SCHIP1: variants seen among roughly 807,000 people sequenced by gnomAD.
SCHIP1 encodes the protein schwannomin interacting protein 1.
In SCHIP1, 8 loss-of-function variants were observed where a neutral mutation model predicts 29.7. The observed-to-expected ratio is 0.27, with a 90% CI of 0.16 to 0.49. The LOEUF is 0.49. Ranked by LOEUF, SCHIP1 falls within the 20% of genes least tolerant of loss-of-function variation. The pLI is 0.99. For synonymous variants in SCHIP1, 76 were observed against 94.9 expected, an observed-to-expected ratio of 0.80 and a Z score of 1.16; for missense variants, 193 against 294.6, an observed-to-expected ratio of 0.66 and a Z score of 2.52.
the SCHIP1 span, among the ~76,000 whole-genome samples, chr3:159,649,871 A>G: frequency 6.6e-6 from 1 of 152,152 alleles, no homozygotes; most frequent in Non-Finnish European, 1.5e-5. Flanking sequence ...GGATCCAAAT[A>G]TCCTGTGCCC....
At chr3:159,676,725 A>G in the SCHIP1 span, among the ~76,000 whole-genome samples, 1 of 152,150 alleles carries the variant, frequency 6.6e-6, no homozygotes, top group Non-Finnish European at 1.5e-5. Flanking sequence ...TCTACGACTG[A>G]GCAGCTCTTC....
intron 2 of SCHIP1, among the ~76,000 whole-genome samples, chr3:159,867,412 T>G (rs1297114094): frequency 2.0e-5 from 3 of 152,248 alleles, no homozygotes; most frequent in Non-Finnish European, 4.4e-5. Context: ...CAGTAAGGTT[T>G]GTACTACTAT....
chr3:159,462,684 A>G, the SCHIP1 span, among the ~76,000 whole-genome samples: 5 of 152,076 alleles, frequency 3.3e-5, no homozygotes, highest in Non-Finnish European at 5.9e-5. Context: ...AAACTCCATG[A>G]TCTGAACTAA....
At chr3:159,554,857 G>A in the SCHIP1 span, among the ~76,000 whole-genome samples, 1 of 151,840 alleles carries the variant, frequency 6.6e-6, no homozygotes, top group African/African-American at 2.4e-5. Flanking sequence ...AGTTGCTGTG[G>A]CAAATACTAC....
intron 2 of SCHIP1, among the ~76,000 whole-genome samples, chr3:159,876,558 T>A (rs1264735358): frequency 1.3e-5 from 2 of 152,198 alleles, no homozygotes; most frequent in African/African-American, 4.8e-5. Context: ...TCCTTTTTAT[T>A]TACTCTTAGA....
the SCHIP1 span, among the ~76,000 whole-genome samples, chr3:159,317,973 G>A: frequency 2.0e-5 from 3 of 152,128 alleles, no homozygotes; most frequent in African/African-American, 4.8e-5. Flanking sequence ...GTGCCATATC[G>A]AGGGTTCAGT....
At chr3:159,446,848 G>T in the SCHIP1 span, among the ~76,000 whole-genome samples, 1 of 152,170 alleles carries the variant, frequency 6.6e-6, no homozygotes, top group East Asian at 1.9e-4. Flanking sequence ...TTGGAGAAAA[G>T]TAAGGTGACC....
chr3:159,452,603 A>G, the SCHIP1 span, among the ~76,000 whole-genome samples: 1 of 152,196 alleles, frequency 6.6e-6, no homozygotes, highest in Non-Finnish European at 1.5e-5. Flanking sequence ...TAGTGCTGCA[A>G]TAAATATACG....
the SCHIP1 span, among the ~76,000 whole-genome samples, chr3:159,283,580 T>C: frequency 6.6e-6 from 1 of 152,138 alleles, no homozygotes; most frequent in South Asian, 2.1e-4. Flanking sequence ...CGCGCGATCT[T>C]GGCGTGAGCC....
the SCHIP1 span, among the ~76,000 whole-genome samples, chr3:159,820,945 C>T: frequency 6.6e-6 from 1 of 152,344 alleles, no homozygotes; most frequent in South Asian, 2.1e-4. Flanking sequence ...ACAACAGCCA[C>T]TAGACACATG....
the SCHIP1 span, among the ~76,000 whole-genome samples, chr3:159,510,396 A>C: frequency 4.4e-4 from 67 of 152,124 alleles, no homozygotes; most frequent in Non-Finnish European, 6.6e-4. Flanking sequence ...TTTTTAACTT[A>C]TTTGCCATGG....
exon 3 of SCHIP1, chr3:159,886,285 T>C: frequency 6.2e-7 from 1 of 1,614,092 alleles, no homozygotes; most frequent in Non-Finnish European, 8.5e-7. Flanking sequence ...CTGATGACAG[T>C]AAGACTGAAA....
chr3:159,718,179 C>T, the SCHIP1 span, among the ~76,000 whole-genome samples: 1 of 152,202 alleles, frequency 6.6e-6, no homozygotes, highest in African/African-American at 2.4e-5. Context: ...AAAATTTCAA[C>T]AGCCTTTCAT....
chr3:159,575,579 G>A, the SCHIP1 span, among the ~76,000 whole-genome samples: 1 of 152,048 alleles, frequency 6.6e-6, no homozygotes, highest in Non-Finnish European at 1.5e-5. Flanking sequence ...GGGACTACCG[G>A]TGTATGTCAC....
At chr3:159,325,018 G>GT in the SCHIP1 span, among the ~76,000 whole-genome samples, 1 of 152,058 alleles carries the variant, frequency 6.6e-6, no homozygotes, top group Admixed American at 6.6e-5. Flanking sequence ...ATGTATTAGT[G>GT]TTTATAACTG....
the SCHIP1 span, among the ~76,000 whole-genome samples, chr3:159,545,242 A>G: frequency 1.3e-5 from 2 of 152,070 alleles, no homozygotes; most frequent in Non-Finnish European, 2.9e-5. Flanking sequence ...AGTATTGATC[A>G]TTGGTGTGTC....
the SCHIP1 span, among the ~76,000 whole-genome samples, chr3:159,326,158 A>G: frequency 6.6e-6 from 1 of 152,166 alleles, no homozygotes; most frequent in Non-Finnish European, 1.5e-5. Context: ...AATTAGGATT[A>G]AATTAAAATC....
intron 1 of SCHIP1, among the ~76,000 whole-genome samples, chr3:159,842,600 T>C (rs1266477554): frequency 6.6e-6 from 1 of 152,036 alleles, no homozygotes; most frequent in East Asian, 1.9e-4. Flanking sequence ...CGTCCCTGCT[T>C]CCTCTTGGAC....
chr3:159,409,787 T>G, the SCHIP1 span, among the ~76,000 whole-genome samples: 1 of 152,002 alleles, frequency 6.6e-6, no homozygotes, highest in Non-Finnish European at 1.5e-5. Context: ...AAGAGAATCT[T>G]AAAATTTATA....
Sources: gnomAD v4.1 joint callset for allele counts (sites outside exome capture counted in the v4.1 genomes callset) on GRCh38, gnomAD v4.1.1 for gene constraint, MANE v1.5 for transcripts, NCBI Gene and HGNC (gene_info 2026-07-23, HGNC 2026-07-21) for gene names.